Variants in SLC7A14 observed in about 807,000 individuals in gnomAD.
SLC7A14 encodes gamma-aminobutyric acid transporter SLC7A14.
In SLC7A14, 37 loss-of-function variants were observed where a neutral mutation model predicts 60.2. The observed-to-expected ratio is 0.61, with a 90% confidence interval of 0.47 to 0.81. SLC7A14 has a LOEUF of 0.81. Ranked by LOEUF, SLC7A14 falls within the 30% of genes least tolerant of loss-of-function variation. The probability of loss-of-function intolerance (pLI) is 0.00; values close to 1 mark genes in which losing one functional copy is unlikely to be tolerated. For synonymous variants in SLC7A14, 399 were observed against 395.8 expected (o/e 1.01, Z -0.10); for missense variants, 886 against 982.7 (o/e 0.90, Z 1.32).
chr3:170,481,659 C>T (rs1711828019), intron 6 of SLC7A14, among the ~76,000 whole-genome samples: 1 of 152,172 alleles, frequency 6.6e-6, no homozygotes, highest in African/African-American at 2.4e-5. Flanking sequence ...CTCAGCCTCC[C>T]AGAGTGTTGG....
In SLC7A14 at chr3:170,501,207, G is replaced by A. The variant is rs901085572; in HGVS notation, c.443C>T (p.Ala148Val). ...GCTGCTCAGAGCACTGGCTCCGGCC[G>A]CAGTGCCAATCAGGTACTCCAGGAT... ...NLILEYLIGT[A>V]AGASALSSMF... is the part of the protein sequence containing the mutation. The change falls in exon 3 of 8, where the codon GCG becomes GTG. Residue 148 changes from alanine (A) to valine (V), a missense_variant. Ala to Val is a moderately conservative substitution (Grantham distance 64). Transcript: ENST00000231706. The A allele has an allele frequency of 2.4e-5, 39 of 1,614,100 alleles. No homozygotes were observed. Among genetic ancestry groups the A allele is most frequent in the Middle Eastern group, 1.6e-4 (1 of 6,084 alleles).
intron 7 of SLC7A14, among the ~76,000 whole-genome samples, chr3:170,470,757 G>A (rs1739877210): frequency 6.6e-6 from 1 of 152,126 alleles, no homozygotes; most frequent in African/African-American, 2.4e-5. Context: ...GAGAAGAGAA[G>A]AGAAACGTAT....
At chr3:170,561,577 G>A (rs897821035) in intron 1 of SLC7A14, among the ~76,000 whole-genome samples, 6 of 152,170 alleles carry the variant, frequency 3.9e-5, no homozygotes, top group African/African-American at 1.4e-4. Flanking sequence ...ACCCCACAGG[G>A]TTATGACAAG....
Position 170,465,080 on chromosome 3 carries a change from C to CATAG in SLC7A14, c.*1971_*1974dup, listed in dbSNP as rs1739686681. ...ATGGTTAACTCTAGGGAAGAGAAAACATAGCATTGTCAAGCATGATATTAA... is the reference window on the plus strand; with the variant it reads ...ATGGTTAACTCTAGGGAAGAGAAAACATAGATAGCATTGTCAAGCATGATATTAA... On this transcript the variant is annotated 3_prime_UTR_variant, in exon 8 of 8. Transcript: ENST00000231706. 6.6e-6 allele frequency: 1 copy of CATAG among 152,138 alleles called. No individual in the cohort carries two copies. The highest frequency in any genetic ancestry group is 2.4e-5 in the African/African-American group (1 of 41,432). 9.4% of individuals were successfully genotyped at this position (152,138 alleles called of 1,614,324 possible).
intron 4 of SLC7A14, chr3:170,496,668 T>A: frequency 1.7e-6 from 2 of 1,190,302 alleles, no homozygotes; most frequent in Non-Finnish European, 2.5e-6. Context: ...CGAGTATCCA[T>A]AGGAAGACCA....
rs982586467 is a variant in SLC7A14, at chr3:170,585,985, G to C, written c.-227C>G. On this transcript the variant is annotated 5_prime_UTR_variant, in exon 1 of 8. Transcript: ENST00000231706. This position sits in a 1 kb window ranked among gnomAD's most constrained non-coding sequence, Gnocchi z 5.1. ...CAGTCCGCACTTACTGCGCGGAGCTGTCTCTCTAGCTGGGATGGGAAGTGG... is the reference window on the plus strand; with the variant it reads ...CAGTCCGCACTTACTGCGCGGAGCTCTCTCTCTAGCTGGGATGGGAAGTGG... The C allele has an allele frequency of 6.5e-6, 1 of 153,408 alleles. No individual in the cohort carries two copies. Among genetic ancestry groups the C allele is most frequent in the Non-Finnish European group, 1.4e-5 (1 of 69,062 alleles). The allele number at this position is 153,408 out of a possible 1,614,324, so 9.5% of individuals were successfully genotyped here. A position where few individuals can be genotyped will look rare whatever the true frequency, so the allele number is the denominator to read the frequency against.
chr3:170,550,857 A>G (rs1185790183), intron 1 of SLC7A14, among the ~76,000 whole-genome samples: 3 of 152,048 alleles, frequency 2.0e-5, no homozygotes, highest in African/African-American at 7.2e-5. Flanking sequence ...TGCCTTTCTG[A>G]AAAATTCAGC....
chr3:170,584,208 A>T (rs1715312337), intron 1 of SLC7A14, among the ~76,000 whole-genome samples: 1 of 152,202 alleles, frequency 6.6e-6, no homozygotes, highest in African/African-American at 2.4e-5. Flanking sequence ...AATATAAAAG[A>T]CTAGCTAAAG....
intron 1 of SLC7A14, among the ~76,000 whole-genome samples, chr3:170,576,279 T>A (rs760875085): frequency 2.0e-5 from 3 of 152,236 alleles, no homozygotes; most frequent in Non-Finnish European, 2.9e-5. Flanking sequence ...ATCCAGTGCC[T>A]AGCTAGGCCC....
rs1739561733 is a variant in SLC7A14, at chr3:170,459,967, T to G, written c.*7088A>C. ...ATTTTGTTAAATTTAGAATTTTCCC[T>G]TAGTATCTTGATAAATCAATATATT... On this transcript the variant is annotated 3_prime_UTR_variant, in exon 8 of 8. Transcript: ENST00000231706. 2.6e-5 allele frequency: 4 copies of G among 152,228 alleles called. No homozygotes were observed. The South Asian group carries it at 8.3e-4, about 31-fold the overall frequency. 9.4% of individuals were successfully genotyped at this position (152,228 alleles called of 1,614,324 possible). A position where few individuals can be genotyped will look rare whatever the true frequency, so the allele number is the denominator to read the frequency against.
intron 1 of SLC7A14, among the ~76,000 whole-genome samples, chr3:170,567,977 T>A (rs199767442): frequency 6.6e-6 from 1 of 152,048 alleles, no homozygotes; most frequent in Admixed American, 6.5e-5. Flanking sequence ...ATTCTGATGG[T>A]AGTTTCTTTT....
At chr3:170,570,714 G>A (rs1714925116) in intron 1 of SLC7A14, among the ~76,000 whole-genome samples, 1 of 152,192 alleles carries the variant, frequency 6.6e-6, no homozygotes, top group African/African-American at 2.4e-5. Flanking sequence ...GGAATGAGAT[G>A]CATTTTCACT....
At chr3:170,484,184 A>G (rs1711942756) in intron 5 of SLC7A14, among the ~76,000 whole-genome samples, 1 of 152,234 alleles carries the variant, frequency 6.6e-6, no homozygotes, top group Admixed American at 6.5e-5. Flanking sequence ...TCAGACAACT[A>G]TGGCTTTGCT....
Position 170,480,514 on chromosome 3 carries a change from TGTA to T in SLC7A14, c.1765_1767del (p.Tyr589del). 4 of 1,614,138 alleles carry T rather than the reference TGTA, an allele frequency of 2.5e-6. No homozygotes were observed. The highest frequency in any genetic ancestry group is 2.5e-6 in the Non-Finnish European group (3 of 1,180,026). On this transcript the variant is annotated inframe_deletion, in exon 7 of 8. Transcript: ENST00000231706. ...ATGGCCCACCAGCTCTGCTCTGAGA[TGTA>T]GTCAGAACCAAAGATGATGAAGGAG...
intron 1 of SLC7A14, among the ~76,000 whole-genome samples, chr3:170,551,990 C>A (rs1032048648): frequency 1.3e-5 from 2 of 152,096 alleles, no homozygotes; most frequent in African/African-American, 4.8e-5. Flanking sequence ...ATTGCCTAAT[C>A]CAAAATTACA....
chr3:170,579,859 A>G (rs1297678310), intron 1 of SLC7A14, among the ~76,000 whole-genome samples: 1 of 152,178 alleles, frequency 6.6e-6, no homozygotes, highest in East Asian at 1.9e-4. Flanking sequence ...TTAAGCTTTG[A>G]GTTTCTGAAG....
chr3:170,569,679 A>C (rs1175325078), intron 1 of SLC7A14, among the ~76,000 whole-genome samples: 1 of 152,054 alleles, frequency 6.6e-6, no homozygotes, highest in Non-Finnish European at 1.5e-5. Flanking sequence ...TTATTGCCAC[A>C]ATTTCAGCTC....
intron 1 of SLC7A14, among the ~76,000 whole-genome samples, chr3:170,574,068 C>A (rs1178801354): frequency 6.6e-6 from 1 of 152,146 alleles, no homozygotes; most frequent in African/African-American, 2.4e-5. Context: ...ACCTAATTAG[C>A]CTGATCAGCC....
At chr3:170,563,417 G>T (rs9968050) in intron 1 of SLC7A14, among the ~76,000 whole-genome samples, 17,426 of 111,328 alleles carry the variant, frequency 0.16, 1,756 homozygotes, top group East Asian at 0.29. Context: ...TTGTTTGTTT[G>T]TTTTTTTTTT....
Sources: allele counts gnomAD v4.1 joint callset (sites outside exome capture counted in the v4.1 genomes callset), GRCh38; gene constraint gnomAD v4.1.1; non-coding constraint Gnocchi (gnomAD v3.1); transcripts MANE v1.5; gene names NCBI Gene and HGNC (gene_info 2026-07-23, HGNC 2026-07-21).